Variants in CNTNAP2 observed in about 807,000 individuals in gnomAD.
CNTNAP2 encodes contactin-associated protein-like 2.
In CNTNAP2, 98 loss-of-function variants were observed where a neutral mutation model predicts 155.2. The ratio of observed to expected loss-of-function variants is 0.63; its 90% CI spans 0.54 to 0.75. The LOEUF (loss-of-function observed/expected upper bound fraction) is 0.75. Ranked by LOEUF, CNTNAP2 falls within the 30% of genes least tolerant of loss-of-function variation. The pLI is 0.00. For synonymous variants in CNTNAP2, 651 were observed against 631.2 expected (o/e 1.03, Z -0.47); for missense variants, 1,727 against 1,688.1 (o/e 1.02, Z -0.40).
chr7:146,521,699 C>T (rs544744742), intron 1 of CNTNAP2, among the ~76,000 whole-genome samples: 37 of 152,062 alleles, frequency 2.4e-4, no homozygotes, highest in African/African-American at 8.7e-4. Context: ...AAATATTTAA[C>T]CTAATCCTTA....
intron 3 of CNTNAP2, among the ~76,000 whole-genome samples, chr7:146,963,975 C>T (rs899682960): frequency 2.0e-5 from 3 of 151,818 alleles, no homozygotes; most frequent in Admixed American, 2.0e-4. Context: ...TGAGTGGATG[C>T]CTTTTGGAAG....
chr7:146,597,639 G>T (rs1798883225), intron 1 of CNTNAP2, among the ~76,000 whole-genome samples: 1 of 151,912 alleles, frequency 6.6e-6, no homozygotes, highest in Admixed American at 6.6e-5. Flanking sequence ...ATTTACAAAA[G>T]AAACACAACT....
chr7:147,237,111 G>A (rs914565825), intron 8 of CNTNAP2, among the ~76,000 whole-genome samples: 18 of 122,288 alleles, frequency 1.5e-4, no homozygotes, highest in African/African-American at 5.4e-4. Context: ...TGTTGCCCAG[G>A]CTGGAGCACA....
intron 1 of CNTNAP2, among the ~76,000 whole-genome samples, chr7:146,228,551 C>T (rs1283496996): frequency 1.3e-5 from 2 of 152,128 alleles, no homozygotes; most frequent in African/African-American, 2.4e-5. Flanking sequence ...ATTCTTTCTA[C>T]AGAGCAAGCT....
At chr7:146,659,099 T>G (rs888624800) in intron 1 of CNTNAP2, among the ~76,000 whole-genome samples, 2 of 152,146 alleles carry the variant, frequency 1.3e-5, no homozygotes, top group Non-Finnish European at 2.9e-5. Flanking sequence ...GGTTTCAATT[T>G]TACCCCCAAA....
intron 1 of CNTNAP2, among the ~76,000 whole-genome samples, chr7:146,637,831 C>T (rs1411882515): frequency 6.6e-6 from 1 of 152,080 alleles, no homozygotes; most frequent in African/African-American, 2.4e-5. Context: ...AATAAGATAC[C>T]AGTTTAATTT....
chr7:146,327,327 G>C (rs1309458892), intron 1 of CNTNAP2, among the ~76,000 whole-genome samples: 1 of 152,066 alleles, frequency 6.6e-6, no homozygotes. Flanking sequence ...TGGTAATATT[G>C]GTTAAACATT....
chr7:147,549,079 G>T (rs1799798865), intron 11 of CNTNAP2, among the ~76,000 whole-genome samples: 1 of 152,078 alleles, frequency 6.6e-6, no homozygotes, highest in South Asian at 2.1e-4. Context: ...GATTGTCTTG[G>T]CTATTTGGGG....
intron 1 of CNTNAP2, among the ~76,000 whole-genome samples, chr7:146,240,580 A>T (rs143376328): frequency 6.6e-6 from 1 of 151,718 alleles, no homozygotes; most frequent in Non-Finnish European, 1.5e-5. Context: ...CATTAAATGC[A>T]TATAATATAT....
At chr7:147,299,605 T>G (rs1161632077) in intron 8 of CNTNAP2, among the ~76,000 whole-genome samples, 1 of 152,280 alleles carries the variant, frequency 6.6e-6, no homozygotes, top group East Asian at 1.9e-4. Context: ...ACCAAATGTG[T>G]TTATTGAGAG....
chr7:146,554,780 T>A (rs1455511666), intron 1 of CNTNAP2, among the ~76,000 whole-genome samples: 1 of 152,220 alleles, frequency 6.6e-6, no homozygotes, highest in Non-Finnish European at 1.5e-5. Context: ...TGGTGTGCAC[T>A]GCACAGAGTC....
intron 13 of CNTNAP2, among the ~76,000 whole-genome samples, chr7:147,738,274 A>G (rs1796892397): frequency 6.6e-6 from 1 of 152,244 alleles, no homozygotes; most frequent in Non-Finnish European, 1.5e-5. Context: ...TTAATAAAGC[A>G]ACAACGGGAT....
At position 147,101,461 on chromosome 7, in the gene CNTNAP2, T is replaced by G. The variant is rs1800650778; in HGVS notation, c.551-6686T>G. On this transcript the variant is annotated intron_variant, in intron 4 of 23. Transcript: ENST00000361727. ...GGGGTGTTGCAGTGCTCTTTTAGCT[T>G]TGCCATCTGTGGATGGTTAAGTGTT... is the stretch of plus-strand genomic sequence containing the variant. Among the ~76,000 whole-genome samples the G allele has an allele frequency of 2.6e-5, 4 of 152,272 alleles. No individual in the cohort carries two copies. The South Asian group carries it at 8.3e-4, about 32-fold the overall frequency.
chr7:148,330,812 G>GGATAGA (rs1797983066), intron 21 of CNTNAP2, among the ~76,000 whole-genome samples: 1 of 78,486 alleles, frequency 1.3e-5, no homozygotes. Flanking sequence ...GATGGATGGA[G>GGATAGA]TGGAGTGGAC....
At chr7:147,060,732 C>G (rs974702549) in intron 4 of CNTNAP2, among the ~76,000 whole-genome samples, 1 of 152,040 alleles carries the variant, frequency 6.6e-6, no homozygotes, top group Admixed American at 6.6e-5. Flanking sequence ...GGCGTGGTGG[C>G]GGGCGCCTGT....
intron 1 of CNTNAP2, among the ~76,000 whole-genome samples, chr7:146,457,338 G>A (rs1796568697): frequency 6.6e-6 from 1 of 151,430 alleles, no homozygotes; most frequent in Non-Finnish European, 1.5e-5. Context: ...AAAGTGTAAT[G>A]TCATCAAGGG....
Position 146,686,456 on chromosome 7 carries a change from A to T in CNTNAP2, c.98-87815A>T, listed in dbSNP as rs532857456. 3.3e-5 allele frequency among the ~76,000 whole-genome samples: 5 copies of T among 152,306 alleles called. No individual in the cohort carries two copies. The East Asian group carries it at 9.7e-4, about 29-fold the overall frequency. ...AGAATTTCCTTCTCCAGTTACCAAC[A>T]AATATTTATTAGGGAATAAATATGT... is the stretch of plus-strand genomic sequence containing the variant. On this transcript the variant is annotated intron_variant, in intron 1 of 23. Transcript: ENST00000361727.
chr7:147,280,954 AT>A (rs2116725572), intron 8 of CNTNAP2, among the ~76,000 whole-genome samples: 1 of 151,994 alleles, frequency 6.6e-6, no homozygotes, highest in African/African-American at 2.4e-5. Context: ...GTGAAAAAAA[AT>A]CTTTGACTTG....
chr7:147,877,586 T>C (rs923946134), intron 13 of CNTNAP2, among the ~76,000 whole-genome samples: 1 of 152,218 alleles, frequency 6.6e-6, no homozygotes, highest in Non-Finnish European at 1.5e-5. Context: ...GAAAGGGTAC[T>C]GTTTGAAAAT....
Sources: allele counts gnomAD v4.1 joint callset (sites outside exome capture counted in the v4.1 genomes callset), GRCh38; gene constraint gnomAD v4.1.1; transcripts MANE v1.5; gene names NCBI Gene and HGNC (gene_info 2026-07-23, HGNC 2026-07-21).